MYO1D: variants seen among roughly 807,000 people sequenced by gnomAD.
The protein encoded by MYO1D is unconventional myosin-Id.
MYO1D carries 83 observed loss-of-function variants against 122.0 expected under a neutral mutation model. That is an observed-to-expected ratio of 0.68 (90% CI 0.57 to 0.82). MYO1D has a LOEUF of 0.82. Among genes scored for constraint, MYO1D ranks in the 40% least tolerant of loss-of-function variants. MYO1D has a pLI of 0.00. For synonymous variants in MYO1D, 464 were observed against 446.9 expected (o/e 1.04, Z -0.48); for missense variants, 1,157 against 1,269.5 (o/e 0.91, Z 1.35).
intron 19 of MYO1D, among the ~76,000 whole-genome samples, chr17:32,643,830 G>T (rs973920234): frequency 2.0e-4 from 31 of 152,076 alleles, no homozygotes; most frequent in African/African-American, 7.2e-4. Context: ...TATGAGTCTT[G>T]CTAGTGGTCT....
At chr17:32,657,975 T>C (rs2088500481) in intron 17 of MYO1D, among the ~76,000 whole-genome samples, 1 of 152,294 alleles carries the variant, frequency 6.6e-6, no homozygotes, top group Non-Finnish European at 1.5e-5. Context: ...TATAATCTTA[T>C]CTGTGTAAAA....
chr17:32,813,430 C>G (rs1205740220), intron 1 of MYO1D, among the ~76,000 whole-genome samples: 1 of 152,020 alleles, frequency 6.6e-6, no homozygotes, highest in South Asian at 2.1e-4. Flanking sequence ...AGAAGGTGAT[C>G]CCAGAAGTAA....
intron 12 of MYO1D, chr17:32,745,656 G>A (rs2151007079): frequency 5.8e-6 from 1 of 173,566 alleles, no homozygotes; most frequent in Non-Finnish European, 1.2e-5. Context: ...GGTTCACTCA[G>A]TGTTGAGGGT....
intron 16 of MYO1D, among the ~76,000 whole-genome samples, chr17:32,664,402 G>A (rs151224331): frequency 3.9e-4 from 60 of 152,266 alleles, no homozygotes; most frequent in Middle Eastern, 3.4e-3. Context: ...GACTGTGCCT[G>A]ATGACAAAGC....
At chr17:32,510,528 C>G (rs1332191343) in intron 21 of MYO1D, 1 of 152,250 alleles carries the variant, frequency 6.6e-6, no homozygotes, top group Non-Finnish European at 1.5e-5. Flanking sequence ...GCATTTTTTA[C>G]TATTCTCCAG....
At chr17:32,850,490 A>T (rs1567671666) in intron 1 of MYO1D, among the ~76,000 whole-genome samples, 1 of 152,220 alleles carries the variant, frequency 6.6e-6, no homozygotes, top group Non-Finnish European at 1.5e-5. Context: ...TTAATTTTTT[A>T]AAAGTATTCT....
At chr17:32,613,856 C>T (rs562597586) in intron 20 of MYO1D, among the ~76,000 whole-genome samples, 87 of 137,788 alleles carry the variant, frequency 6.3e-4, no homozygotes, top group Admixed American at 1.7e-3. Context: ...TAATAGTTCA[C>T]ATTTATGTAT....
chr17:32,688,295 C>T (rs1192935976), intron 16 of MYO1D, among the ~76,000 whole-genome samples: 2 of 152,218 alleles, frequency 1.3e-5, no homozygotes, highest in African/African-American at 4.8e-5. Flanking sequence ...ACACACTTCA[C>T]ACTTGATCAT....
At chr17:32,827,308 G>T (rs912938491) in intron 1 of MYO1D, among the ~76,000 whole-genome samples, 15 of 152,114 alleles carry the variant, frequency 9.9e-5, no homozygotes, top group Non-Finnish European at 1.6e-4. Context: ...GTCACAAAAG[G>T]ACAAATATTG....
chr17:32,753,638 C>T (rs1220072706), intron 11 of MYO1D, among the ~76,000 whole-genome samples: 1 of 152,146 alleles, frequency 6.6e-6, no homozygotes, highest in Non-Finnish European at 1.5e-5. Context: ...GTGGCTCATG[C>T]CTGTAATCCC....
At chr17:32,590,318 CT>C (rs1176951663) in intron 21 of MYO1D, among the ~76,000 whole-genome samples, 2 of 152,296 alleles carry the variant, frequency 1.3e-5, no homozygotes, top group African/African-American at 4.8e-5. Context: ...AGCTCATAAC[CT>C]CCAACTAGAC....
intron 3 of MYO1D, 147 bp downstream of exon 3, chr17:32,778,333 G>A: frequency 6.7e-6 from 4 of 593,814 alleles, no homozygotes; most frequent in Admixed American, 5.7e-5. Flanking sequence ...ATGCACTTAA[G>A]AGAATCAAAG....
Position 32,748,994 on chromosome 17 carries a change from C to G in MYO1D, c.1480G>C (p.Asp494His), listed in dbSNP as rs757196576. Reference protein sequence around the residue: ...HFSSRKLCASDKILEFDRDFR... With the variant: ...HFSSRKLCASHKILEFDRDFR... ...TCTCGATCAAACTCCAGAATTTTGT[C>G]TGAGGCACAGAGCTAAGGAATCAAG... The change falls in exon 12 of 22, where the codon GAC (aspartate) becomes CAC (histidine). Residue 494 changes from aspartate (D) to histidine (H), a missense_variant. Physicochemically the swap from Asp to His is moderately conservative, Grantham distance 81. Transcript: ENST00000318217. 2.7e-5 allele frequency: 43 copies of G among 1,613,426 alleles called. No homozygotes were observed. Among genetic ancestry groups the G allele is most frequent in the Non-Finnish European group, 3.6e-5 (43 of 1,179,434 alleles).
At position 32,694,505 on chromosome 17, in the gene MYO1D, T is replaced by C. The variant is rs887214267; in HGVS notation, c.2121+17483A>G. 2.6e-5 allele frequency among the ~76,000 whole-genome samples: 4 copies of C among 151,794 alleles called. 1 individual carries two copies. Among genetic ancestry groups the C allele is most frequent in the Non-Finnish European group, 4.4e-5 (3 of 67,942 alleles). ...TCATGAGGTCAGGAGATCGAGACCA[T>C]CCTGGCTAACAAGGTGAAACCCTGT... On this transcript the variant is annotated intron_variant, in intron 16 of 21. Transcript: ENST00000318217.
intron 3 of MYO1D, 62 bp from the exon 4 acceptor site, chr17:32,776,091 CTG>C: frequency 6.9e-7 from 1 of 1,439,292 alleles, no homozygotes; most frequent in South Asian, 1.3e-5. Context: ...TTTTTAAAAA[CTG>C]GATTTTGCTA....
intron 1 of MYO1D, among the ~76,000 whole-genome samples, chr17:32,841,311 T>C (rs1225395719): frequency 6.6e-6 from 1 of 151,458 alleles, no homozygotes; most frequent in Non-Finnish European, 1.5e-5. Context: ...TTACAAAAAA[T>C]AGAAAAAATT....
Position 32,775,979 on chromosome 17 carries a change from T to C in MYO1D, c.449A>G (p.Asn150Ser). The C allele has an allele frequency of 6.2e-7, 1 of 1,613,954 alleles. No individual in the cohort carries two copies. The highest frequency in any genetic ancestry group is 8.5e-7 in the Non-Finnish European group (1 of 1,179,908). ...GTTGTCATTACGGTTGGTTTTGGCA[T>C]TTCCAAAAGCTTCCAAAACACAGTT... is the stretch of plus-strand genomic sequence containing the variant. ...KSNCVLEAFG[N>S]AKTNRNDNSS... Residue 150 changes from asparagine to serine, a missense_variant, in exon 4 of 22, where the codon AAT becomes AGT. Coordinates refer to ENST00000318217, the MANE Select transcript of MYO1D (RefSeq NM_015194.3).
intron 20 of MYO1D, among the ~76,000 whole-genome samples, chr17:32,617,814 T>G (rs1047674124): frequency 2.6e-5 from 4 of 152,218 alleles, no homozygotes; most frequent in African/African-American, 9.6e-5. Flanking sequence ...AAATGCATCA[T>G]AGAAAGAATA....
chr17:32,580,801 T>C (rs1335815097), intron 21 of MYO1D, among the ~76,000 whole-genome samples: 1 of 152,214 alleles, frequency 6.6e-6, no homozygotes, highest in Non-Finnish European at 1.5e-5. Context: ...ATTATCCTTT[T>C]TATATATTGT....
Sources: allele counts gnomAD v4.1 joint callset (sites outside exome capture counted in the v4.1 genomes callset), GRCh38; gene constraint gnomAD v4.1.1; transcripts MANE v1.5; gene names NCBI Gene and HGNC (gene_info 2026-07-23, HGNC 2026-07-21).